The following SIK2 variants were observed in gnomAD, a reference collection of about 807,000 sequenced individuals.
SIK2 encodes the protein salt inducible kinase 2, also known as serine/threonine-protein kinase SIK2.
A neutral mutation model predicts 103.2 loss-of-function variants in SIK2; 29 were observed. That is an observed-to-expected ratio of 0.28 (90% CI 0.21 to 0.38). The LOEUF is 0.38. Ranked by LOEUF, SIK2 falls within the 10% of genes least tolerant of loss-of-function variation. The pLI is 1.00. For missense variants in SIK2, 879 were observed against 1,171.0 expected (o/e 0.75, Z 3.64); for synonymous variants, 412 against 446.1 (o/e 0.92, Z 0.96).
chr11:111,619,768 T>C (rs1164566404), intron 2 of SIK2, among the ~76,000 whole-genome samples: 2 of 152,248 alleles, frequency 1.3e-5, no homozygotes, highest in Non-Finnish European at 2.9e-5. Flanking sequence ...AGTAGAGCTA[T>C]GAATATGAAA....
intron 4 of SIK2, among the ~76,000 whole-genome samples, chr11:111,692,427 A>AGGCT (rs1038854095): frequency 7.2e-6 from 1 of 138,708 alleles, no homozygotes. Flanking sequence ...ATAGAGATCG[A>AGGCT]GGCTGGGGTA....
intron 3 of SIK2, among the ~76,000 whole-genome samples, chr11:111,650,210 TTC>T (rs2135863119): frequency 6.6e-6 from 1 of 152,116 alleles, no homozygotes; most frequent in East Asian, 1.9e-4. Flanking sequence ...TTCCTTTGGC[TTC>T]TCTGGGCAAC....
intron 3 of SIK2, among the ~76,000 whole-genome samples, chr11:111,663,909 A>C (rs1343685461): frequency 6.6e-6 from 1 of 152,234 alleles, no homozygotes; most frequent in East Asian, 1.9e-4. Flanking sequence ...AGCACAGAAA[A>C]GTAGCTTGCC....
chr11:111,670,632 T>G (rs1263744173), intron 3 of SIK2, among the ~76,000 whole-genome samples: 5 of 152,376 alleles, frequency 3.3e-5, no homozygotes, highest in Admixed American at 2.6e-4. Flanking sequence ...CTGCAAGGCT[T>G]GAGCTCCTCT....
At chr11:111,704,247 G>C (rs537972027) in intron 7 of SIK2, among the ~76,000 whole-genome samples, 1 of 152,300 alleles carries the variant, frequency 6.6e-6, no homozygotes, top group Admixed American at 6.5e-5. Flanking sequence ...TGATTCCACT[G>C]ACCTGTGATT....
intron 3 of SIK2, among the ~76,000 whole-genome samples, chr11:111,653,877 A>G (rs150911465): frequency 6.6e-6 from 1 of 152,270 alleles, no homozygotes; most frequent in East Asian, 1.9e-4. Context: ...TGTTATCTAC[A>G]TTTCATAAGT....
At chr11:111,642,877 T>A in intron 3 of SIK2, among the ~76,000 whole-genome samples, 1 of 145,220 alleles carries the variant, frequency 6.9e-6, no homozygotes, top group Non-Finnish European at 1.5e-5. Flanking sequence ...TACCATAGGT[T>A]TTAGAAGCTC....
At chr11:111,653,342 G>A (rs896396898) in intron 3 of SIK2, among the ~76,000 whole-genome samples, 9 of 152,256 alleles carry the variant, frequency 5.9e-5, no homozygotes, top group East Asian at 1.9e-4. Context: ...AACTGTTCTC[G>A]GAACCATAGA....
At chr11:111,663,551 A>G (rs2135873378) in intron 3 of SIK2, among the ~76,000 whole-genome samples, 1 of 152,274 alleles carries the variant, frequency 6.6e-6, no homozygotes, top group Non-Finnish European at 1.5e-5. Context: ...ACTGGAAGCC[A>G]GTGGAGCATT....
chr11:111,671,612 T>A (rs955673425), intron 3 of SIK2: 3 of 342,312 alleles, frequency 8.8e-6, no homozygotes, highest in East Asian at 7.5e-5. Context: ...TTGGTGATGA[T>A]GCTGTCCATG....
intron 2 of SIK2, among the ~76,000 whole-genome samples, chr11:111,617,229 G>A (rs1941819290): frequency 6.6e-6 from 1 of 152,036 alleles, no homozygotes; most frequent in African/African-American, 2.4e-5. Context: ...GTGAAGTCTG[G>A]GCTTTTAGTG....
chr11:111,640,693 G>A (rs7946320), intron 3 of SIK2, among the ~76,000 whole-genome samples: 4,940 of 121,704 alleles, frequency 0.041, 100 homozygotes, highest in Middle Eastern at 0.093. Context: ...TATGAGAAAA[G>A]TTCTTTAGAA....
intron 10 of SIK2, 91 bp from the exon 11 acceptor site, chr11:111,720,387 C>T: frequency 7.9e-7 from 1 of 1,271,672 alleles, no homozygotes; most frequent in African/African-American, 1.5e-5. Flanking sequence ...GACATGGTAG[C>T]TGTCAAAACT....
At chr11:111,646,403 T>C (rs1479242500) in intron 3 of SIK2, among the ~76,000 whole-genome samples, 7 of 152,070 alleles carry the variant, frequency 4.6e-5, no homozygotes, top group Admixed American at 4.6e-4. Flanking sequence ...GAGCTGAGAT[T>C]GCACCATTGC....
In SIK2 at chr11:111,602,460, G is replaced by GAGCGAAGGAGCA; in HGVS notation, c.-99_-88dup. The GAGCGAAGGAGCA allele has an allele frequency of 7.9e-7, 1 of 1,271,546 alleles. No individual in the cohort carries two copies. Among genetic ancestry groups the GAGCGAAGGAGCA allele is most frequent in the South Asian group, 1.8e-5 (1 of 56,534 alleles). The allele number at this position is 1,271,546 out of a possible 1,614,324, so 78.8% of individuals were successfully genotyped here. A position where few individuals can be genotyped will look rare whatever the true frequency, so the allele number is the denominator to read the frequency against. On this transcript the variant is annotated 5_prime_UTR_variant, in exon 1 of 15. Coordinates refer to ENST00000304987, the MANE Select transcript of SIK2 (RefSeq NM_015191.3). This position sits in a 1 kb window ranked among gnomAD's most constrained non-coding sequence, Gnocchi z 4.5. ...GGGGAGCGGGAGGGAAGGAGCGAAG[G>GAGCGAAGGAGCA]AGCGAAGGAGCAAGCGGAGCGGCCG... is the stretch of plus-strand genomic sequence containing the variant.
At chr11:111,627,184 G>C (rs558866413) in intron 3 of SIK2, among the ~76,000 whole-genome samples, 4 of 152,102 alleles carry the variant, frequency 2.6e-5, no homozygotes, top group African/African-American at 9.7e-5. Flanking sequence ...GCCCGTTTCT[G>C]ACATGGAGCC....
chr11:111,658,665 C>A (rs1942427113), intron 3 of SIK2, among the ~76,000 whole-genome samples: 1 of 151,950 alleles, frequency 6.6e-6, no homozygotes, highest in African/African-American at 2.4e-5. Context: ...TCACCTGAGC[C>A]CGGTGATCAA....
chr11:111,605,781 A>G (rs1328465451), intron 1 of SIK2, among the ~76,000 whole-genome samples: 3 of 152,256 alleles, frequency 2.0e-5, no homozygotes, highest in African/African-American at 7.2e-5. Context: ...GGAAAAAAAT[A>G]GTGGACAAAA....
At position 111,688,888 on chromosome 11, in the gene SIK2, A is replaced by G. The variant is rs978483713; in HGVS notation, c.478+726A>G. 4.6e-5 allele frequency among the ~76,000 whole-genome samples: 7 copies of G among 152,252 alleles called. No homozygotes were observed. The highest frequency in any genetic ancestry group is 1.0e-4 in the Non-Finnish European group (7 of 68,048). ...ACCTTGAATATACACAATTTTTGTC[A>G]ATTACATTTTAATAAAACTGAAAAA... is the stretch of plus-strand genomic sequence containing the variant. On this transcript the variant is annotated intron_variant, in intron 4 of 14. Coordinates refer to ENST00000304987, the MANE Select transcript of SIK2 (RefSeq NM_015191.3). The surrounding 1 kb of genome is among the most constrained non-coding windows in gnomAD (Gnocchi z 4.2).
Sources: allele counts gnomAD v4.1 joint callset (sites outside exome capture counted in the v4.1 genomes callset), GRCh38; gene constraint gnomAD v4.1.1; non-coding constraint Gnocchi (gnomAD v3.1); transcripts MANE v1.5; gene names NCBI Gene and HGNC (gene_info 2026-07-23, HGNC 2026-07-21).